CYP2F1: variants seen among roughly 807,000 people sequenced by gnomAD.
CYP2F1 encodes cytochrome P450 family 2 subfamily F member 1.
Under a neutral mutation model 40.4 loss-of-function variants are expected in CYP2F1, and 33 were observed. That is an observed-to-expected ratio of 0.82 (90% CI 0.62 to 1.09). The LOEUF (loss-of-function observed/expected upper bound fraction) is 1.09. Ranked by LOEUF, CYP2F1 falls within the 50% of genes least tolerant of loss-of-function variation. The pLI, the probability that CYP2F1 is intolerant of heterozygous loss-of-function variation, is 0.00. For synonymous variants in CYP2F1, 235 were observed against 277.2 expected, an observed-to-expected ratio of 0.85 and a Z score of 1.51; for missense variants, 566 against 655.7, an observed-to-expected ratio of 0.86 and a Z score of 1.49.
rs368904004 is a variant in CYP2F1, at chr19:41,124,955, G to C, written c.1152+49G>C. ...ATCAGGCAACCTAAGAGGAGGCATCGCAGGCTCTTGCACTGGCAAGGAGTA... is the reference window on the plus strand; with the variant it reads ...ATCAGGCAACCTAAGAGGAGGCATCCCAGGCTCTTGCACTGGCAAGGAGTA... On this transcript the variant is annotated intron_variant, in intron 8 of 9. Coordinates refer to ENST00000331105, the MANE Select transcript of CYP2F1 (RefSeq NM_000774.5). 783 of 1,500,102 alleles carry C rather than the reference G, an allele frequency of 5.2e-4. 1 individual carries two copies. In the African/African-American group the frequency reaches 8.2e-3, roughly 16 times the overall value. 92.9% of individuals were successfully genotyped at this position (1,500,102 alleles called of 1,614,324 possible).
chr19:41,127,816 C>T (rs1184652741), intron 9 of CYP2F1, 85 bp from the exon 10 acceptor site: 2 of 1,020,042 alleles, frequency 2.0e-6, no homozygotes, highest in East Asian at 5.2e-5. Flanking sequence ...TTCCTTTCCT[C>T]TTATGTTTTC....
At chr19:41,123,142 T>C in intron 7 of CYP2F1, 179 bp downstream of exon 7, 1 of 742,302 alleles carries the variant, frequency 1.3e-6, no homozygotes, top group Non-Finnish European at 2.4e-6. Context: ...ATGAGGTCCA[T>C]GCAGCCTGCC....
chr19:41,120,195 C>G (rs777648164), intron 3 of CYP2F1, 152 bp from the exon 4 acceptor site: 4 of 637,586 alleles, frequency 6.3e-6, no homozygotes, highest in Non-Finnish European at 1.0e-5. Context: ...AAGGAGACCC[C>G]TAAGCTGGAG....
In CYP2F1 at chr19:41,122,898, C is replaced by T; in HGVS notation, c.899C>T (p.Thr300Ile). ...MTTHNLLFGG[T>I]KTVSTTLHHA... ...ACACATAACCTGCTCTTTGGCGGCA[C>T]CAAGACGGTGAGCACCACGCTGCAC... is the stretch of plus-strand genomic sequence containing the variant. Residue 300 changes from threonine (T) to isoleucine (I), a missense_variant, in exon 7 of 10, where the codon ACC becomes ATC. By Grantham distance (89) the Thr-to-Ile change is moderately conservative. Around this residue, in one of 5 missense-constraint regions of CYP2F1, gnomAD observed 128 missense variants for 121.0 expected, o/e 1.06. Coordinates refer to ENST00000331105, the MANE Select transcript of CYP2F1 (RefSeq NM_000774.5). 6.2e-7 allele frequency: 1 copy of T among 1,606,522 alleles called. No homozygotes were observed. Among genetic ancestry groups the T allele is most frequent in the Non-Finnish European group, 8.5e-7 (1 of 1,175,776 alleles).
At chr19:41,124,640 A>G in intron 7 of CYP2F1, 79 bp from the exon 8 acceptor site, 1 of 1,322,936 alleles carries the variant, frequency 7.6e-7, no homozygotes, top group Non-Finnish European at 1.0e-6. Context: ...CTCCCCACAC[A>G]CGCACACACC....
In CYP2F1 at chr19:41,116,602, T is replaced by C; in HGVS notation, c.319T>C (p.Phe107Leu). ...GRGDYPAFFN[F>L]TKGNGIAFSS... ...CGGTGACTACCCTGCCTTTTTCAAC[T>C]TTACCAAGGGCAATGGTAAGCCTCG... Residue 107 changes from phenylalanine to leucine, a missense_variant, in exon 3 of 10, where the codon TTT (phenylalanine) becomes CTT (leucine). Transcript: ENST00000331105. 6.2e-7 allele frequency: 1 copy of C among 1,613,870 alleles called. No individual in the cohort carries two copies. Among genetic ancestry groups the C allele is most frequent in the Non-Finnish European group, 8.5e-7 (1 of 1,179,926 alleles).
intron 3 of CYP2F1, among the ~76,000 whole-genome samples, chr19:41,117,921 C>T (rs305971): frequency 0.24 from 35,993 of 151,786 alleles, 4,358 homozygotes; most frequent in South Asian, 0.28. Flanking sequence ...GCAATCTCAG[C>T]TCACTGCAAT....
chr19:41,122,145 C>T lies in CYP2F1; in HGVS notation c.822+12C>T. ...CCAAGATGGCAGAGGTAATCCCTAC[C>T]TGGAAATCCCACCTCTAGTCTGACC... On this transcript the variant is annotated intron_variant, in intron 6 of 9. Coordinates refer to ENST00000331105, the MANE Select transcript of CYP2F1 (RefSeq NM_000774.5). The T allele has an allele frequency of 6.5e-7, 1 of 1,535,152 alleles. No homozygotes were observed. The highest frequency in any genetic ancestry group is 2.3e-5 in the East Asian group (1 of 44,078).
At chr19:41,120,254 C>A in intron 3 of CYP2F1, 93 bp from the exon 4 acceptor site, 1 of 1,289,888 alleles carries the variant, frequency 7.8e-7, no homozygotes, top group Non-Finnish European at 1.1e-6. Context: ...CAAACTCTGT[C>A]TCTCTCCCAG....
intron 3 of CYP2F1, among the ~76,000 whole-genome samples, chr19:41,117,266 G>A (rs187870357): frequency 5.2e-4 from 79 of 152,172 alleles, no homozygotes; most frequent in African/African-American, 1.9e-3. Context: ...GAGTAGCTGG[G>A]ACTACAGGTG....
rs762220331 is a variant in CYP2F1 at position 41,121,988 on chromosome 19, G to A, written c.677G>A (p.Trp226Ter). 1 of 1,613,356 alleles carries A rather than the reference G, an allele frequency of 6.2e-7. No individual in the cohort carries two copies. The highest frequency in any genetic ancestry group is 1.1e-5 in the South Asian group (1 of 91,050). The change falls in exon 6 of 10, where the codon TGG (tryptophan) becomes TAG (stop). Residue 226 changes from tryptophan (W) to a stop codon, truncating the protein, a stop_gained. Coordinates refer to ENST00000331105, the MANE Select transcript of CYP2F1 (RefSeq NM_000774.5). LOFTEE classifies it high-confidence loss of function. The part of the protein sequence containing the change: ...LYDIFPSLLD[W>*]VPGPHQRIFQ... Reference sequence around the variant, plus strand: ...GACATCTTCCCGAGCCTCCTGGACTGGGTGCCTGGGCCGCACCAACGCATC... The same window carrying A: ...GACATCTTCCCGAGCCTCCTGGACTAGGTGCCTGGGCCGCACCAACGCATC...
intron 6 of CYP2F1, among the ~76,000 whole-genome samples, chr19:41,122,535 T>TACAC (rs1468894550): frequency 6.8e-6 from 1 of 146,612 alleles, no homozygotes; most frequent in African/African-American, 2.7e-5. Context: ...CATACACACA[T>TACAC]ACATACATAC....
intron 3 of CYP2F1, among the ~76,000 whole-genome samples, chr19:41,119,725 A>C (rs984043009): frequency 0.034 from 1,163 of 34,068 alleles, 28 homozygotes; most frequent in African/African-American, 0.073. Context: ...CTCTCTCTCT[A>C]TATATATATA....
At chr19:41,118,915 G>C (rs2031977083) in intron 3 of CYP2F1, among the ~76,000 whole-genome samples, 1 of 152,124 alleles carries the variant, frequency 6.6e-6, no homozygotes, top group Non-Finnish European at 1.5e-5. Context: ...TAGGTCCAGA[G>C]GAACCAGAGA....
intron 1 of CYP2F1, among the ~76,000 whole-genome samples, chr19:41,114,748 C>T (rs1267291874): frequency 1.3e-5 from 2 of 150,576 alleles, no homozygotes; most frequent in Non-Finnish European, 2.9e-5. Context: ...TGCCTGTGCC[C>T]TTCCTCTCTG....
chr19:41,118,459 C>T (rs1268443606), intron 3 of CYP2F1, among the ~76,000 whole-genome samples: 2 of 150,528 alleles, frequency 1.3e-5, no homozygotes, highest in Non-Finnish European at 3.0e-5. Context: ...GATTTGAAAT[C>T]AGAGAGCTCT....
intron 9 of CYP2F1, among the ~76,000 whole-genome samples, chr19:41,126,897 T>C (rs2032567637): frequency 6.6e-6 from 1 of 152,116 alleles, no homozygotes; most frequent in Non-Finnish European, 1.5e-5. Flanking sequence ...GTTTTGTTTG[T>C]TTGTTTTTTG....
In CYP2F1 at chr19:41,123,618, C is replaced by A. The variant is rs561633106; in HGVS notation, c.964+655C>A. On this transcript the variant is annotated intron_variant, in intron 7 of 9. Transcript: ENST00000331105. ...CTCACTGCAGCCCCTTGGGCTCAAG[C>A]AATCTCCCCACCTCCGCCTTATCAA... 3.5e-4 allele frequency among the ~76,000 whole-genome samples: 53 copies of A among 152,292 alleles called. 1 individual carries two copies. The highest frequency in any genetic ancestry group is 1.2e-3 in the African/African-American group (51 of 41,562).
intron 3 of CYP2F1, among the ~76,000 whole-genome samples, chr19:41,119,748 T>TATATATATATATACACACACAC (rs1337166345): frequency 1.9e-4 from 7 of 36,062 alleles, no homozygotes; most frequent in Admixed American, 4.4e-4. Context: ...TATATATATA[T>TATATATATATATACACACACAC]ACACACACAC....
Sources: allele counts gnomAD v4.1 joint callset (sites outside exome capture counted in the v4.1 genomes callset), GRCh38; gene constraint gnomAD v4.1.1; regional missense constraint gnomAD v4.1.1; transcripts MANE v1.5; gene names NCBI Gene and HGNC (gene_info 2026-07-23, HGNC 2026-07-21).